TCF7L1: variants seen among roughly 807,000 people sequenced by gnomAD.
The protein encoded by TCF7L1 is transcription factor 7-like 1.
In TCF7L1, 18 loss-of-function variants were observed where a neutral mutation model predicts 63.7. That is an observed-to-expected ratio of 0.28 (90% CI 0.20 to 0.42). The LOEUF (loss-of-function observed/expected upper bound fraction) is 0.42. Ranked by LOEUF, TCF7L1 falls within the 10% of genes least tolerant of loss-of-function variation. The pLI is 1.00. For synonymous variants in TCF7L1, 355 were observed against 340.9 expected, an observed-to-expected ratio of 1.04 and a Z score of -0.46; for missense variants, 654 against 779.3, an observed-to-expected ratio of 0.84 and a Z score of 1.91.
At chr2:85,290,756 T>TA (rs1236267602) in intron 4 of TCF7L1, among the ~76,000 whole-genome samples, 14 of 152,248 alleles carry the variant, frequency 9.2e-5, no homozygotes, top group Non-Finnish European at 1.8e-4. Flanking sequence ...TTTAAGAGGG[T>TA]AAGCTGGCAG....
chr2:85,221,372 G>T (rs377304021), intron 3 of TCF7L1, among the ~76,000 whole-genome samples: 101 of 152,336 alleles, frequency 6.6e-4, no homozygotes, highest in African/African-American at 2.4e-3. Context: ...AGAAGAAATA[G>T]TCTTGTTTCC....
intron 7 of TCF7L1, among the ~76,000 whole-genome samples, chr2:85,304,817 TC>T (rs1232736789): frequency 6.6e-6 from 1 of 152,164 alleles, no homozygotes; most frequent in Non-Finnish European, 1.5e-5. Context: ...TGTCTGTATA[TC>T]ACACTGAAGC....
intron 3 of TCF7L1, among the ~76,000 whole-genome samples, chr2:85,212,677 T>C (rs1679596281): frequency 1.3e-5 from 2 of 152,052 alleles, no homozygotes; most frequent in African/African-American, 4.8e-5. Context: ...GCAGGGTCCT[T>C]TTATGACTGA....
At chr2:85,180,215 T>TG (rs1304102474) in intron 3 of TCF7L1, among the ~76,000 whole-genome samples, 1 of 151,412 alleles carries the variant, frequency 6.6e-6, no homozygotes, top group Non-Finnish European at 1.5e-5. Context: ...AAGTGGTTTT[T>TG]TTTTTTGTTT....
Position 85,309,701 on chromosome 2 carries a change from AGCGT to A in TCF7L1, c.*242_*245del, listed in dbSNP as rs1682230976. The A allele has an allele frequency of 9.0e-6, 4 of 445,436 alleles. No homozygotes were observed. Among genetic ancestry groups the A allele is most frequent in the Middle Eastern group, 5.9e-4 (1 of 1,686 alleles). The allele number at this position is 445,436 out of a possible 1,614,324, so 27.6% of individuals were successfully genotyped here. A position where few individuals can be genotyped will look rare whatever the true frequency, so the allele number is the denominator to read the frequency against. On this transcript the variant is annotated 3_prime_UTR_variant, in exon 12 of 12. Transcript: ENST00000282111. ...TTTATAAGAAAGAGAACTGAAAAGT[AGCGT>A]GCTATTCGTCCTGTAGGTGCTGTGG...
rs534559508 is a variant in TCF7L1 at position 85,197,864 on chromosome 2, A to G, written c.441+63414A>G. ...GCTGGCCAGGTGGCAGGTGCAAAGC[A>G]GGGTTCTAGAAGAGAGTCTGCCTGT... On this transcript the variant is annotated intron_variant, in intron 3 of 11. Transcript: ENST00000282111. 3.9e-5 allele frequency among the ~76,000 whole-genome samples: 6 copies of G among 152,304 alleles called. 1 individual carries two copies. In the East Asian group the frequency reaches 9.6e-4, roughly 24 times the overall value.
chr2:85,289,796 C>T (rs901336697), intron 4 of TCF7L1, among the ~76,000 whole-genome samples: 2 of 151,820 alleles, frequency 1.3e-5, no homozygotes, highest in Non-Finnish European at 2.9e-5. Context: ...CTCAGCCTCC[C>T]GAGTACCTGG....
At chr2:85,280,361 C>T (rs1225120696) in intron 3 of TCF7L1, among the ~76,000 whole-genome samples, 5 of 152,160 alleles carry the variant, frequency 3.3e-5, no homozygotes, top group Admixed American at 3.3e-4. Context: ...AGAAACCCTG[C>T]ACTACAGTCC....
chr2:85,304,901 T>G (rs1476527383), intron 7 of TCF7L1, among the ~76,000 whole-genome samples: 1 of 152,160 alleles, frequency 6.6e-6, no homozygotes, highest in Non-Finnish European at 1.5e-5. Context: ...GATTTCTGTC[T>G]CAGGGACCAG....
intron 3 of TCF7L1, among the ~76,000 whole-genome samples, chr2:85,193,506 G>A (rs894543576): frequency 3.3e-5 from 5 of 152,102 alleles, no homozygotes; most frequent in Non-Finnish European, 7.4e-5. Context: ...GCAACAAAGC[G>A]AGACCTCATG....
chr2:85,283,865 C>T (rs1032146673), intron 4 of TCF7L1, among the ~76,000 whole-genome samples: 12 of 152,216 alleles, frequency 7.9e-5, no homozygotes, highest in Non-Finnish European at 1.2e-4. Context: ...CGATCCTTCC[C>T]GGCTGCCATC....
At chr2:85,168,940 T>C (rs1678483269) in intron 3 of TCF7L1, among the ~76,000 whole-genome samples, 2 of 152,156 alleles carry the variant, frequency 1.3e-5, no homozygotes, top group Non-Finnish European at 2.9e-5. Context: ...TTTTTGAAAC[T>C]AAACTTGTGG....
chr2:85,256,535 A>G (rs1680724123), intron 3 of TCF7L1, among the ~76,000 whole-genome samples: 1 of 152,232 alleles, frequency 6.6e-6, no homozygotes, highest in Non-Finnish European at 1.5e-5. Context: ...TCAATTACAT[A>G]TAACAGTGGG....
At chr2:85,194,994 C>T (rs1572986610) in intron 3 of TCF7L1, among the ~76,000 whole-genome samples, 1 of 152,266 alleles carries the variant, frequency 6.6e-6, no homozygotes, top group Non-Finnish European at 1.5e-5. Context: ...CCCAGTCCCA[C>T]CCCCGAGGTA....
chr2:85,277,627 C>A (rs1043947081), intron 3 of TCF7L1, among the ~76,000 whole-genome samples: 1 of 152,170 alleles, frequency 6.6e-6, no homozygotes, highest in Non-Finnish European at 1.5e-5. Flanking sequence ...ATGGGCGAGA[C>A]CATGGGGCTG....
intron 3 of TCF7L1, among the ~76,000 whole-genome samples, chr2:85,140,899 AAG>A (rs933791808): frequency 3.2e-5 from 3 of 95,036 alleles, no homozygotes; most frequent in Admixed American, 1.1e-4. Context: ...ATAAGAGCGA[AAG>A]AGAGAGAGAG....
intron 3 of TCF7L1, among the ~76,000 whole-genome samples, chr2:85,163,448 G>A (rs977023007): frequency 6.6e-5 from 10 of 151,984 alleles, no homozygotes; most frequent in African/African-American, 2.2e-4. Context: ...GACCTACCTC[G>A]GACCATCCCT....
chr2:85,226,295 T>C (rs1679951750), intron 3 of TCF7L1, among the ~76,000 whole-genome samples: 1 of 152,238 alleles, frequency 6.6e-6, no homozygotes, highest in South Asian at 2.1e-4. Context: ...CCTCATAAAA[T>C]GAGTTAGGGA....
chr2:85,272,015 C>T (rs574788022), intron 3 of TCF7L1, among the ~76,000 whole-genome samples: 26 of 152,268 alleles, frequency 1.7e-4, no homozygotes, highest in African/African-American at 4.8e-4. Flanking sequence ...AGCAACCTGC[C>T]GATGTGGTTT....
Sources: allele counts gnomAD v4.1 joint callset (sites outside exome capture counted in the v4.1 genomes callset), GRCh38; gene constraint gnomAD v4.1.1; transcripts MANE v1.5; gene names NCBI Gene and HGNC (gene_info 2026-07-23, HGNC 2026-07-21).